Variants in MCL1 observed in about 807,000 individuals in gnomAD.
MCL1 encodes the protein induced myeloid leukemia cell differentiation protein Mcl-1.
Under a neutral mutation model 24.2 loss-of-function variants are expected in MCL1, and 4 were observed. The ratio of observed to expected loss-of-function variants is 0.17; its 90% CI spans 0.08 to 0.38. MCL1 has a LOEUF of 0.38. Among genes scored for constraint, MCL1 ranks in the 10% least tolerant of loss-of-function variants. The probability of loss-of-function intolerance (pLI) is 1.00; values close to 1 mark genes in which losing one functional copy is unlikely to be tolerated. For synonymous variants in MCL1, 248 were observed against 214.0 expected (o/e 1.16, Z -1.39); for missense variants, 529 against 480.3 (o/e 1.10, Z -0.95).
In MCL1 at chr1:150,579,492, GTTGAGTCCGATTACCGCGTTTCTT is replaced by G. The variant is rs1570984199; in HGVS notation, c.15_38del (p.Lys5_Leu12del). On this transcript the variant is annotated inframe_deletion, in exon 1 of 3. Coordinates refer to ENST00000369026, the MANE Select transcript of MCL1 (RefSeq NM_021960.5). The stretch of plus-strand genomic sequence containing the variant: ...CCAAGCCGGCCCCCCCACAGTAGAG[GTTGAGTCCGATTACCGCGTTTCTT>G]TTGAGGCCAAACATTGCCAGTCGCC... 6.2e-7 allele frequency: 1 copy of G among 1,600,492 alleles called. No homozygotes were observed. The highest frequency in any genetic ancestry group is 8.5e-7 in the Non-Finnish European group (1 of 1,174,614).
chr1:150,579,058 C>G lies in MCL1; in HGVS notation c.473G>C (p.Gly158Ala). The G allele has an allele frequency of 6.2e-7, 1 of 1,613,284 alleles. No individual in the cohort carries two copies. Among genetic ancestry groups the G allele is most frequent in the Non-Finnish European group, 8.5e-7 (1 of 1,180,032 alleles). ...GESGNNTSTD[G>A]SLPSTPPPAE... is the part of the protein sequence containing the mutation. ...TGGCGGCGGCGTCGAGGGTAGTGAC[C>G]CGTCCGTACTGGTGTTATTACCAGA... is the stretch of plus-strand genomic sequence containing the variant. Residue 158 changes from glycine (G) to alanine (A), a missense_variant, in exon 1 of 3, where the codon GGG becomes GCG. By Grantham distance (60) the Gly-to-Ala change is moderately conservative (BLOSUM62 0). Transcript: ENST00000369026.
Position 150,579,082 on chromosome 1 carries a change from G to A in MCL1, c.449C>T (p.Ser150Phe). ...VLPLLELVGESGNNTSTDGSL... is the reference protein window; with the variant it reads ...VLPLLELVGEFGNNTSTDGSL... ...CCCGTCCGTACTGGTGTTATTACCA[G>A]ATTCCCCGACCAACTCCAGCAGCGG... Residue 150 changes from serine to phenylalanine, a missense_variant, in exon 1 of 3, where the codon TCT becomes TTT. Transcript: ENST00000369026. 6.2e-7 allele frequency: 1 copy of A among 1,613,218 alleles called. No homozygotes were observed. Among genetic ancestry groups the A allele is most frequent in the Non-Finnish European group, 8.5e-7 (1 of 1,180,042 alleles).
Position 150,579,105 on chromosome 1 carries a change from C to T in MCL1, c.426G>A (p.Pro142=), listed in dbSNP as rs771542364. 1.4e-5 allele frequency: 23 copies of T among 1,612,912 alleles called. No homozygotes were observed. The East Asian group carries it at 4.7e-4, about 33-fold the overall frequency. The part of the protein sequence containing the change: ...EPLGKRPAVL[P]LLELVGESGN... ...CAGATTCCCCGACCAACTCCAGCAG[C>T]GGCAGGACAGCCGGCCGCTTCCCGA... is the stretch of plus-strand genomic sequence containing the variant. The change falls in exon 1 of 3, where the codon CCG becomes CCA. Residue 142 remains proline, a synonymous_variant. Transcript: ENST00000369026.
rs1409119273 is a variant in MCL1 at position 150,576,058 on chromosome 1, G to C, written c.*1317C>G. 4.3e-6 allele frequency: 1 copy of C among 233,500 alleles called. No individual in the cohort carries two copies. The highest frequency in any genetic ancestry group is 8.5e-6 in the Non-Finnish European group (1 of 118,036). 14.5% of individuals were successfully genotyped at this position (233,500 alleles called of 1,614,324 possible). ...TAATAATAGCACCATGGTTAGACTA[G>C]CCTGCTTTTCCAAGCCATCATTTTA... On this transcript the variant is annotated 3_prime_UTR_variant, in exon 3 of 3. Coordinates refer to ENST00000369026, the MANE Select transcript of MCL1 (RefSeq NM_021960.5).
chr1:150,577,991 GAA>G (rs1647884829), intron 2 of MCL1, among the ~76,000 whole-genome samples: 1 of 152,108 alleles, frequency 6.6e-6, no homozygotes, highest in Non-Finnish European at 1.5e-5. Flanking sequence ...TGAATCCACT[GAA>G]GAGTATTCAA....
chr1:150,576,458 A>C lies in MCL1; in HGVS notation c.*917T>G, dbSNP rs1647810900. On this transcript the variant is annotated 3_prime_UTR_variant, in exon 3 of 3. Transcript: ENST00000369026. Reference sequence around the variant, plus strand: ...CAGATAAGAAAATTTAAACCTGCATAGTTATCAGATTTGTTCCACTACAAC... The same window carrying C: ...CAGATAAGAAAATTTAAACCTGCATCGTTATCAGATTTGTTCCACTACAAC... The C allele has an allele frequency of 4.3e-6, 1 of 232,424 alleles. No homozygotes were observed. Among genetic ancestry groups the C allele is most frequent in the Admixed American group, 5.6e-5 (1 of 17,752 alleles). 14.4% of individuals were successfully genotyped at this position (232,424 alleles called of 1,614,324 possible).
rs1229708032 is a variant in MCL1 at position 150,579,497 on chromosome 1, G to C, written c.34C>G (p.Leu12Val). 1 of 1,600,230 alleles carries C rather than the reference G, an allele frequency of 6.2e-7. No homozygotes were observed. Among genetic ancestry groups the C allele is most frequent in the Non-Finnish European group, 8.5e-7 (1 of 1,174,558 alleles). Residue 12 changes from leucine to valine, a missense_variant, in exon 1 of 3, where the codon CTC becomes GTC. Transcript: ENST00000369026. Reference sequence around the variant, plus strand: ...CCGGCCCCCCCACAGTAGAGGTTGAGTCCGATTACCGCGTTTCTTTTGAGG... The same window carrying C: ...CCGGCCCCCCCACAGTAGAGGTTGACTCCGATTACCGCGTTTCTTTTGAGG... ...FGLKRNAVIGLNLYCGGAGLG... is the reference protein window; with the variant it reads ...FGLKRNAVIGVNLYCGGAGLG...
rs1002896056 is a variant in MCL1, at chr1:150,577,003, T to G, written c.*372A>C. On this transcript the variant is annotated 3_prime_UTR_variant, in exon 3 of 3. Coordinates refer to ENST00000369026, the MANE Select transcript of MCL1 (RefSeq NM_021960.5). ...TTCTCTTAACACTACAGTAAATTAA[T>G]GAATTCGGCGGGTAATCAATTCTAT... 3 of 288,938 alleles carry G rather than the reference T, an allele frequency of 1.0e-5. No homozygotes were observed. The highest frequency in any genetic ancestry group is 2.0e-5 in the Non-Finnish European group (3 of 149,418). 17.9% of individuals were successfully genotyped at this position (288,938 alleles called of 1,614,324 possible).
chr1:150,578,830 T>C lies in MCL1; in HGVS notation c.688+13A>G, dbSNP rs779271873. On this transcript the variant is annotated intron_variant, in intron 1 of 2. Coordinates refer to ENST00000369026, the MANE Select transcript of MCL1 (RefSeq NM_021960.5). ...AAGGGAGTGAGGCCTTGGCGATTAA[T>C]GAACCCCCTTACCTTGGAAGGCCGT... 1 of 1,601,036 alleles carries C rather than the reference T, an allele frequency of 6.2e-7. No individual in the cohort carries two copies. The highest frequency in any genetic ancestry group is 8.5e-7 in the Non-Finnish European group (1 of 1,171,584).
At chr1:150,578,539 C>T (rs1014498772) in intron 1 of MCL1, 48 bp from the exon 2 acceptor site, 2 of 1,602,554 alleles carry the variant, frequency 1.2e-6, no homozygotes, top group Non-Finnish European at 1.7e-6. Flanking sequence ...TTGTCTAAAC[C>T]GGCGCAAGAT....
Position 150,577,107 on chromosome 1 carries a change from TAA to T in MCL1, c.*266_*267del. 1 of 367,604 alleles carries T rather than the reference TAA, an allele frequency of 2.7e-6. No individual in the cohort carries two copies. The highest frequency in any genetic ancestry group is 5.0e-6 in the Non-Finnish European group (1 of 198,738). The allele number at this position is 367,604 out of a possible 1,614,324, so 22.8% of individuals were successfully genotyped here. A position where few individuals can be genotyped will look rare whatever the true frequency, so the allele number is the denominator to read the frequency against. On this transcript the variant is annotated 3_prime_UTR_variant, in exon 3 of 3. Coordinates refer to ENST00000369026, the MANE Select transcript of MCL1 (RefSeq NM_021960.5). Reference sequence around the variant, plus strand: ...TCCACCCTACCATCTTCACTAAATCTAAAAGTCCTCCTCCATAGCTTCCCAAA... The same window carrying T: ...TCCACCCTACCATCTTCACTAAATCTAAGTCCTCCTCCATAGCTTCCCAAA...
chr1:150,579,127 C>A lies in MCL1; in HGVS notation c.404G>T (p.Gly135Val). Reference protein sequence around the residue: ...ELDGYEPEPLGKRPAVLPLLE... With the variant: ...ELDGYEPEPLVKRPAVLPLLE... ...CAGCGGCAGGACAGCCGGCCGCTTC[C>A]CGAGAGGCTCCGGCTCGTACCCGTC... Residue 135 changes from glycine (G) to valine (V), a missense_variant, in exon 1 of 3, where the codon GGG (glycine) becomes GTG (valine). Transcript: ENST00000369026. 2 of 1,612,658 alleles carry A rather than the reference C, an allele frequency of 1.2e-6. No individual in the cohort carries two copies. The highest frequency in any genetic ancestry group is 1.7e-6 in the Non-Finnish European group (2 of 1,180,026).
chr1:150,577,586 G>T, intron 2 of MCL1, 95 bp from the exon 3 acceptor site: 1 of 1,327,950 alleles, frequency 7.5e-7, no homozygotes, highest in Non-Finnish European at 1.0e-6. Context: ...AAATATCTAA[G>T]GTTTCCCCCT....
Position 150,578,981 on chromosome 1 carries a change from G to C in MCL1, c.550C>G (p.Arg184Gly). 1 of 1,613,618 alleles carries C rather than the reference G, an allele frequency of 6.2e-7. No homozygotes were observed. The highest frequency in any genetic ancestry group is 1.1e-5 in the South Asian group (1 of 91,086). ...LYRQSLEIIS[R>G]YLREQATGAK... ...CCGGTGGCCTGCTCCCGAAGGTACC[G>C]AGAGATAATCTCCAGCGACTGCCGG... Residue 184 changes from arginine to glycine, a missense_variant, in exon 1 of 3, where the codon CGG (arginine) becomes GGG (glycine). Coordinates refer to ENST00000369026, the MANE Select transcript of MCL1 (RefSeq NM_021960.5).
chr1:150,577,137 AAGTT>A lies in MCL1; in HGVS notation c.*234_*237del, dbSNP rs1328046496. The A allele has an allele frequency of 4.4e-6, 2 of 449,628 alleles. No individual in the cohort carries two copies. Among genetic ancestry groups the A allele is most frequent in the African/African-American group, 2.0e-5 (1 of 50,546 alleles). 27.9% of individuals were successfully genotyped at this position (449,628 alleles called of 1,614,324 possible). On this transcript the variant is annotated 3_prime_UTR_variant, in exon 3 of 3. Transcript: ENST00000369026. Reference sequence around the variant, plus strand: ...GTCCTCCTCCATAGCTTCCCAAACAAAGTTTGTTTGTTGCTGAAACTGAACTTTG... The same window carrying A: ...GTCCTCCTCCATAGCTTCCCAAACAATGTTTGTTGCTGAAACTGAACTTTG...
At position 150,574,854 on chromosome 1, in the gene MCL1, C is replaced by T. The variant is rs1427596179; in HGVS notation, c.*2521G>A. The T allele has an allele frequency of 8.6e-6, 2 of 233,226 alleles. No homozygotes were observed. Among genetic ancestry groups the T allele is most frequent in the Non-Finnish European group, 1.7e-5 (2 of 118,004 alleles). The allele number at this position is 233,226 out of a possible 1,614,324, so 14.4% of individuals were successfully genotyped here. A position where few individuals can be genotyped will look rare whatever the true frequency, so the allele number is the denominator to read the frequency against. ...CCCTTTCCCTTTTGGAGGATTTGCC[C>T]GAACTACGTAGCCAGTCAGCACTTA... On this transcript the variant is annotated 3_prime_UTR_variant, in exon 3 of 3. Transcript: ENST00000369026.
chr1:150,579,218 C>A lies in MCL1; in HGVS notation c.313G>T (p.Ala105Ser). The A allele has an allele frequency of 6.4e-7, 1 of 1,573,526 alleles. No homozygotes were observed. The highest frequency in any genetic ancestry group is 8.6e-7 in the Non-Finnish European group (1 of 1,163,574). ...GCTTCCATCTCCTCAAGCGGCGCCGCGCGGCGGGTGGGCGCGAAGAAAAGC... is the reference window on the plus strand; with the variant it reads ...GCTTCCATCTCCTCAAGCGGCGCCGAGCGGCGGGTGGGCGCGAAGAAAAGC... ...RLLFFAPTRR[A>S]APLEEMEAPA... Residue 105 changes from alanine to serine, a missense_variant, in exon 1 of 3, where the codon GCG (alanine) becomes TCG (serine). Coordinates refer to ENST00000369026, the MANE Select transcript of MCL1 (RefSeq NM_021960.5).
Position 150,575,255 on chromosome 1 carries a change from A to T in MCL1, c.*2120T>A, listed in dbSNP as rs1321222350. The T allele has an allele frequency of 8.6e-6, 2 of 233,296 alleles. No individual in the cohort carries two copies. The highest frequency in any genetic ancestry group is 1.2e-4 in the East Asian group (2 of 16,536). 14.5% of individuals were successfully genotyped at this position (233,296 alleles called of 1,614,324 possible). On this transcript the variant is annotated 3_prime_UTR_variant, in exon 3 of 3. Transcript: ENST00000369026. ...GCAAAGATGACCTTATGGCTCTGAG[A>T]TGGGCAGGCAGGGCAGTTCTTCCCC...
In MCL1 at chr1:150,578,434, A is replaced by C. The variant is rs1244487189; in HGVS notation, c.746T>G (p.Val249Gly). The change falls in exon 2 of 3, where the codon GTG (valine) becomes GGG (glycine). Residue 249 changes from valine (V) to glycine (G), a missense_variant. Val to Gly is a moderately radical substitution (Grantham distance 109). Transcript: ENST00000369026. ...GCCGTCGCTGAAAACATGGATCATC[A>C]CTCGAGACAACGATTTCACATCGTC... Reference protein sequence around the residue: ...NEDDVKSLSRVMIHVFSDGVT... With the variant: ...NEDDVKSLSRGMIHVFSDGVT... 5.0e-6 allele frequency: 8 copies of C among 1,614,120 alleles called. No homozygotes were observed. The highest frequency in any genetic ancestry group is 6.8e-6 in the Non-Finnish European group (8 of 1,180,010).
Sources: allele counts gnomAD v4.1 joint callset (sites outside exome capture counted in the v4.1 genomes callset), GRCh38; gene constraint gnomAD v4.1.1; transcripts MANE v1.5; gene names NCBI Gene and HGNC (gene_info 2026-07-23, HGNC 2026-07-21).